The following MOB1A variants were observed in gnomAD, a reference collection of about 807,000 sequenced individuals.
MOB1A encodes MOB1 Mps One Binder homolog A.
Under a neutral mutation model 25.1 loss-of-function variants are expected in MOB1A, and 10 were observed. The observed-to-expected ratio is 0.40, with a 90% CI of 0.25 to 0.68. MOB1A has a LOEUF of 0.68. Among genes scored for constraint, MOB1A ranks in the 30% least tolerant of loss-of-function variants. The pLI is 0.40. For missense variants in MOB1A, 177 were observed against 256.3 expected (o/e 0.69, Z 2.11); for synonymous variants, 81 against 79.5 (o/e 1.02, Z -0.10).
At position 74,178,840 on chromosome 2, in the gene MOB1A, G is replaced by C. The variant is rs987942170; in HGVS notation, c.-166C>G. 2.0e-5 allele frequency: 8 copies of C among 399,700 alleles called. No individual in the cohort carries two copies. The highest frequency in any genetic ancestry group is 3.5e-5 in the Non-Finnish European group (8 of 230,186). 24.8% of individuals were successfully genotyped at this position (399,700 alleles called of 1,614,324 possible). On this transcript the variant is annotated 5_prime_UTR_variant, in exon 1 of 6. Transcript: ENST00000396049. Reference sequence around the variant, plus strand: ...GCTGCGAGCCTTTGCAAACCTCGGCGCCCGCCTTGCCCGCCTACCCCACCT... The same window carrying C: ...GCTGCGAGCCTTTGCAAACCTCGGCCCCCGCCTTGCCCGCCTACCCCACCT...
chr2:74,171,071 G>A (rs963473452), intron 2 of MOB1A, among the ~76,000 whole-genome samples: 1 of 152,060 alleles, frequency 6.6e-6, no homozygotes, highest in African/African-American at 2.4e-5. Flanking sequence ...CTTGAGGTCA[G>A]GAGTTCGAGA....
intron 2 of MOB1A, among the ~76,000 whole-genome samples, chr2:74,167,823 C>T (rs931022059): frequency 7.2e-5 from 11 of 151,938 alleles, no homozygotes; most frequent in African/African-American, 2.4e-4. Context: ...ACAGAAAGGA[C>T]AAAATTAAAA....
At chr2:74,175,339 G>C (rs891341831) in intron 1 of MOB1A, among the ~76,000 whole-genome samples, 2 of 152,166 alleles carry the variant, frequency 1.3e-5, no homozygotes, top group African/African-American at 4.8e-5. Flanking sequence ...TAGAAATAAA[G>C]TGCACAATCA....
At position 74,172,654 on chromosome 2, in the gene MOB1A, C is replaced by T. The variant is rs1693326824; in HGVS notation, c.113G>A (p.Ser38Asn). The T allele has an allele frequency of 6.2e-7, 1 of 1,613,876 alleles. No individual in the cohort carries two copies. Among genetic ancestry groups the T allele is most frequent in the Non-Finnish European group, 8.5e-7 (1 of 1,179,848 alleles). Residue 38 changes from serine (S) to asparagine (N), a missense_variant, in exon 2 of 6, where the codon AGT (serine) becomes AAT (asparagine). By Grantham distance (46) the Ser-to-Asn change is conservative. Transcript: ENST00000396049. ...CATAACAGCTTGTCTCAGATTCCCA[C>T]TTCCTAGAGTTGCTTCTGCATGTTT... ...LLKHAEATLG[S>N]GNLRQAVMLP...
intron 5 of MOB1A, 65 bp downstream of exon 5, chr2:74,159,023 TTTG>T: frequency 6.6e-7 from 1 of 1,507,882 alleles, no homozygotes; most frequent in Non-Finnish European, 9.1e-7. Context: ...CACACAGCTC[TTTG>T]TTGAAGTTCC....
At chr2:74,156,710 T>C (rs1307925948) in intron 5 of MOB1A, 65 bp from the exon 6 acceptor site, 1 of 1,180,228 alleles carries the variant, frequency 8.5e-7, no homozygotes, top group South Asian at 1.4e-5. Context: ...AAATGTCTTT[T>C]GGAGAAGGGA....
At chr2:74,174,592 T>G (rs1693398696) in intron 1 of MOB1A, among the ~76,000 whole-genome samples, 1 of 152,202 alleles carries the variant, frequency 6.6e-6, no homozygotes, top group African/African-American at 2.4e-5. Flanking sequence ...GCACAACTCG[T>G]TATTGAGGAA....
intron 1 of MOB1A, among the ~76,000 whole-genome samples, chr2:74,177,444 G>A (rs902552825): frequency 6.6e-6 from 1 of 152,200 alleles, no homozygotes; most frequent in African/African-American, 2.4e-5. Context: ...GAAAAAAGTG[G>A]AGGAGGGAGG....
rs1330273565 is a variant in MOB1A, at chr2:74,152,606, A to G, written c.*3962T>C. ...CTTTAATCAGTCATTTCTTGCTTTC[A>G]ATATATTTTATTCTGACGAAGTTAC... On this transcript the variant is annotated 3_prime_UTR_variant, in exon 6 of 6. Coordinates refer to ENST00000396049, the MANE Select transcript of MOB1A (RefSeq NM_018221.5). 2 of 152,242 alleles carry G rather than the reference A, an allele frequency of 1.3e-5. No individual in the cohort carries two copies. The highest frequency in any genetic ancestry group is 2.9e-5 in the Non-Finnish European group (2 of 68,038). The allele number at this position is 152,242 out of a possible 1,614,324, so 9.4% of individuals were successfully genotyped here. A position where few individuals can be genotyped will look rare whatever the true frequency, so the allele number is the denominator to read the frequency against.
intron 2 of MOB1A, among the ~76,000 whole-genome samples, chr2:74,170,417 G>C (rs1363235255): frequency 6.6e-6 from 1 of 151,996 alleles, no homozygotes; most frequent in Admixed American, 6.6e-5. Context: ...GATTACAGGC[G>C]TGAGCCACCA....
intron 4 of MOB1A, among the ~76,000 whole-genome samples, chr2:74,163,416 T>A (rs925775379): frequency 6.6e-6 from 1 of 152,124 alleles, no homozygotes; most frequent in Non-Finnish European, 1.5e-5. Context: ...GAAGGAGGGA[T>A]GCTTGAGCCC....
intron 4 of MOB1A, among the ~76,000 whole-genome samples, chr2:74,161,859 A>C (rs1025086492): frequency 1.3e-5 from 2 of 151,712 alleles, no homozygotes; most frequent in African/African-American, 4.9e-5. Context: ...CAAGTGGCTG[A>C]TGTAGAAGGA....
Position 74,157,423 on chromosome 2 carries a change from A to G in MOB1A, c.574-778T>C, listed in dbSNP as rs1289654189. The stretch of plus-strand genomic sequence containing the variant: ...TTAACATCTTTCATAATAAACAGGT[A>G]GAGATAAGTATTTCCCTGAGTTCTA... On this transcript the variant is annotated intron_variant, in intron 5 of 5. Transcript: ENST00000396049. 2.0e-5 allele frequency among the ~76,000 whole-genome samples: 3 copies of G among 152,064 alleles called. No individual in the cohort carries two copies. The East Asian group carries it at 5.8e-4, about 29-fold the overall frequency.
At chr2:74,162,114 G>A (rs1692989679) in intron 4 of MOB1A, among the ~76,000 whole-genome samples, 1 of 152,200 alleles carries the variant, frequency 6.6e-6, no homozygotes, top group Non-Finnish European at 1.5e-5. Flanking sequence ...AAAGTAAGAT[G>A]CAGATAATAG....
In MOB1A at chr2:74,156,378, G is replaced by C. The variant is rs957034841; in HGVS notation, c.*190C>G. On this transcript the variant is annotated 3_prime_UTR_variant, in exon 6 of 6. Coordinates refer to ENST00000396049, the MANE Select transcript of MOB1A (RefSeq NM_018221.5). ...CACACAGTACTTAAGATTTGGCTGTGTCCTTAAGGTCTTACTCGGAAACTA... is the reference window on the plus strand; with the variant it reads ...CACACAGTACTTAAGATTTGGCTGTCTCCTTAAGGTCTTACTCGGAAACTA... The C allele has an allele frequency of 1.7e-6, 1 of 590,562 alleles. No individual in the cohort carries two copies. The highest frequency in any genetic ancestry group is 2.0e-5 in the South Asian group (1 of 48,950). The allele number at this position is 590,562 out of a possible 1,614,324, so 36.6% of individuals were successfully genotyped here.
chr2:74,161,875 T>C (rs1572956684), intron 4 of MOB1A, among the ~76,000 whole-genome samples: 1 of 151,944 alleles, frequency 6.6e-6, no homozygotes. Flanking sequence ...AAGGACCACT[T>C]GCGCCTGGGA....
chr2:74,160,455 G>A (rs1692935903), intron 4 of MOB1A, among the ~76,000 whole-genome samples: 1 of 152,070 alleles, frequency 6.6e-6, no homozygotes, highest in Non-Finnish European at 1.5e-5. Flanking sequence ...GAGGCCGAGG[G>A]GGGCAGATCA....
At chr2:74,158,950 G>T (rs1340693356) in intron 5 of MOB1A, 141 bp downstream of exon 5, 14 of 873,502 alleles carry the variant, frequency 1.6e-5, no homozygotes, top group Non-Finnish European at 2.5e-5. Context: ...AAATAATGTG[G>T]AAAAGAGAAC....
chr2:74,177,290 T>A (rs575072410), intron 1 of MOB1A, among the ~76,000 whole-genome samples: 1 of 151,346 alleles, frequency 6.6e-6, no homozygotes, highest in African/African-American at 2.4e-5. Context: ...GAGGCAGAGG[T>A]TGCAGTGAGC....
Sources: gnomAD v4.1 joint callset for allele counts (sites outside exome capture counted in the v4.1 genomes callset) on GRCh38, gnomAD v4.1.1 for gene constraint, MANE v1.5 for transcripts, NCBI Gene and HGNC (gene_info 2026-07-23, HGNC 2026-07-21) for gene names.